The following MYADML2 variants were observed in gnomAD, a reference collection of about 807,000 sequenced individuals.
MYADML2 encodes myeloid associated differentiation marker like 2.
Under a neutral mutation model 16.0 loss-of-function variants are expected in MYADML2, and 17 were observed. The observed-to-expected ratio is 1.06, with a 90% CI of 0.73 to 1.60. The LOEUF (loss-of-function observed/expected upper bound fraction) is 1.60, where lower values mean the gene tolerates loss of function less well. MYADML2 is among the 40% of genes most tolerant of loss of function. MYADML2 has a pLI of 0.00. For synonymous variants in MYADML2, 210 were observed against 208.1 expected (o/e 1.01, Z -0.08); for missense variants, 422 against 437.7 (o/e 0.96, Z 0.32).
In MYADML2 at chr17:81,940,513, G is replaced by T; in HGVS notation, c.*305C>A. The T allele has an allele frequency of 2.8e-6, 1 of 351,722 alleles. No individual in the cohort carries two copies. Among genetic ancestry groups the T allele is most frequent in the East Asian group, 4.5e-5 (1 of 22,364 alleles). The allele number at this position is 351,722 out of a possible 1,614,324, so 21.8% of individuals were successfully genotyped here. ...CAGCTGCTTTAAAGTTTTCCCTTAT[G>T]ATGTTCCAGTGACCAGCACTGAGCC... On this transcript the variant is annotated 3_prime_UTR_variant, in exon 3 of 3. Transcript: ENST00000409745.
At chr17:81,941,894 G>A in intron 2 of MYADML2, 51 bp from the exon 3 acceptor site, 1 of 707,710 alleles carries the variant, frequency 1.4e-6, no homozygotes, top group Non-Finnish European at 2.3e-6. Flanking sequence ...CCTCTCTGCT[G>A]TCTATGTGAG....
At chr17:81,943,776 G>C (rs549589142) in intron 1 of MYADML2, among the ~76,000 whole-genome samples, 77 of 152,190 alleles carry the variant, frequency 5.1e-4, no homozygotes, top group African/African-American at 1.9e-3. Context: ...ACATCTTCTG[G>C]TATATCCTTG....
At chr17:81,941,893 T>C in intron 2 of MYADML2, 50 bp from the exon 3 acceptor site, 1 of 722,896 alleles carries the variant, frequency 1.4e-6, no homozygotes, top group South Asian at 2.1e-5. Context: ...GCCTCTCTGC[T>C]GTCTATGTGA....
rs1325510654 is a variant in MYADML2 at position 81,940,174 on chromosome 17, C to G, written c.*644G>C. ...TGTGGCTACCAGCCCAGAGGCTTCCCGGACGTGGGTGGGAGAGGCTGGTCC... is the reference window on the plus strand; with the variant it reads ...TGTGGCTACCAGCCCAGAGGCTTCCGGGACGTGGGTGGGAGAGGCTGGTCC... On this transcript the variant is annotated 3_prime_UTR_variant, in exon 3 of 3. Transcript: ENST00000409745. 6.6e-6 allele frequency: 1 copy of G among 152,334 alleles called. No individual in the cohort carries two copies. Among genetic ancestry groups the G allele is most frequent in the South Asian group, 2.1e-4 (1 of 4,834 alleles). 9.4% of individuals were successfully genotyped at this position (152,334 alleles called of 1,614,324 possible).
intron 1 of MYADML2, among the ~76,000 whole-genome samples, chr17:81,943,196 A>AG (rs2041318935): frequency 2.0e-5 from 3 of 151,102 alleles, no homozygotes; most frequent in Non-Finnish European, 4.4e-5. Flanking sequence ...CAACCTCCCG[A>AG]GTACCTGGGA....
chr17:81,942,050 C>A lies in MYADML2; in HGVS notation c.-102-207G>T, dbSNP rs1195579071. ...GGACCATTAACCCATTGGCTGCTGG[C>A]ACCACCCCCACCTCCGCCTCCCGCG... On this transcript the variant is annotated intron_variant, in intron 2 of 2. Coordinates refer to ENST00000409745, the MANE Select transcript of MYADML2 (RefSeq NM_001145113.3). This position sits in a 1 kb window ranked among gnomAD's most constrained non-coding sequence, Gnocchi z 4.4. 9.8e-6 allele frequency: 3 copies of A among 306,474 alleles called. No individual in the cohort carries two copies. The East Asian group carries it at 1.6e-4, about 16-fold the overall frequency. 19.0% of individuals were successfully genotyped at this position (306,474 alleles called of 1,614,324 possible). A position where few individuals can be genotyped will look rare whatever the true frequency, so the allele number is the denominator to read the frequency against.
intron 1 of MYADML2, among the ~76,000 whole-genome samples, chr17:81,945,086 T>C (rs1055854023): frequency 6.5e-4 from 99 of 151,972 alleles, no homozygotes; most frequent in Non-Finnish European, 1.8e-4. Flanking sequence ...GCCAACATAG[T>C]GAGACCCCAT....
chr17:81,941,353 G>C lies in MYADML2; in HGVS notation c.389C>G (p.Ala130Gly), dbSNP rs769729656. ...GAGGAGCCCGGCGAAGACACTGGCT[G>C]CCAGGCGGAAGTCCCTGGCAGCACA... ...AGCAARDFRL[A>G]ASVFAGLLFL... The change falls in exon 3 of 3, where the codon GCA becomes GGA. Residue 130 changes from alanine to glycine, a missense_variant. Transcript: ENST00000409745. 3.2e-5 allele frequency: 50 copies of C among 1,548,730 alleles called. No individual in the cohort carries two copies. In the African/African-American group the frequency reaches 5.1e-4, roughly 16 times the overall value.
At position 81,941,574 on chromosome 17, in the gene MYADML2, G is replaced by A. The variant is rs556122438; in HGVS notation, c.168C>T (p.Ala56=). ...FAGVQGTFCM[A]AWGFCFAVSA... ...AGACGGCGAAGCAGAAGCCCCAGGC[G>A]GCCATGCAGAAGGTGCCCTGGACGC... The change falls in exon 3 of 3, where the codon GCC becomes GCT. Residue 56 remains alanine, a synonymous_variant. Transcript: ENST00000409745. 1.2e-4 allele frequency: 179 copies of A among 1,548,452 alleles called. No individual in the cohort carries two copies. In the East Asian group the frequency reaches 3.7e-3, roughly 32 times the overall value.
At chr17:81,944,390 CA>C (rs778709387) in intron 1 of MYADML2, among the ~76,000 whole-genome samples, 100 of 71,990 alleles carry the variant, frequency 1.4e-3, no homozygotes, top group Admixed American at 1.5e-3. Flanking sequence ...CGAGACTCCT[CA>C]AAAAAAAAAA....
chr17:81,944,826 A>G lies in MYADML2; in HGVS notation c.-181+2233T>C, dbSNP rs139426602. 2.7e-4 allele frequency among the ~76,000 whole-genome samples: 41 copies of G among 152,332 alleles called. No individual in the cohort carries two copies. The East Asian group carries it at 7.5e-3, about 28-fold the overall frequency. Reference sequence around the variant, plus strand: ...GTCATGCCTACGTAATGAAGTCTCCATAAAACCCAAAAGGACAGGGTTGGG... The same window carrying G: ...GTCATGCCTACGTAATGAAGTCTCCGTAAAACCCAAAAGGACAGGGTTGGG... On this transcript the variant is annotated intron_variant, in intron 1 of 2. Transcript: ENST00000409745.
Position 81,942,541 on chromosome 17 carries a change from C to T in MYADML2, c.-180-168G>A, listed in dbSNP as rs1047015116. On this transcript the variant is annotated intron_variant, in intron 1 of 2. Coordinates refer to ENST00000409745, the MANE Select transcript of MYADML2 (RefSeq NM_001145113.3). This position sits in a 1 kb window ranked among gnomAD's most constrained non-coding sequence, Gnocchi z 4.4. ...ATTCTGGGGCTTTTCACTTGTCCTT[C>T]ACATTAAACACCTAGAAAAACACTC... The T allele has an allele frequency of 6.6e-6, 1 of 152,260 alleles. No individual in the cohort carries two copies. The highest frequency in any genetic ancestry group is 2.1e-4 in the South Asian group (1 of 4,836). 9.4% of individuals were successfully genotyped at this position (152,260 alleles called of 1,614,324 possible).
chr17:81,945,283 T>C (rs1036775631), intron 1 of MYADML2, among the ~76,000 whole-genome samples: 4 of 151,460 alleles, frequency 2.6e-5, no homozygotes, highest in Non-Finnish European at 5.9e-5. Flanking sequence ...CTCACACCTG[T>C]AATCCCAGCA....
intron 1 of MYADML2, among the ~76,000 whole-genome samples, chr17:81,944,388 C>CT (rs72532155): frequency 0.024 from 657 of 27,778 alleles, 6 homozygotes; most frequent in African/African-American, 0.088. Context: ...AGCGAGACTC[C>CT]TCAAAAAAAA....
At chr17:81,941,907 G>T in intron 2 of MYADML2, 64 bp from the exon 3 acceptor site, 2 of 649,992 alleles carry the variant, frequency 3.1e-6, no homozygotes, top group Admixed American at 3.1e-5. Context: ...TATGTGAGGC[G>T]GCTCCCCCCA....
At chr17:81,945,414 C>T (rs1203744144) in intron 1 of MYADML2, among the ~76,000 whole-genome samples, 1 of 151,950 alleles carries the variant, frequency 6.6e-6, no homozygotes, top group Admixed American at 6.6e-5. Context: ...TGATGGGCGC[C>T]TGTAGTCCCA....
intron 1 of MYADML2, among the ~76,000 whole-genome samples, chr17:81,944,573 A>C (rs2041329701): frequency 6.6e-6 from 1 of 152,086 alleles, no homozygotes; most frequent in Non-Finnish European, 1.5e-5. Flanking sequence ...CCTAACCCAT[A>C]GGATCATCTG....
rs957746780 is a variant in MYADML2 at position 81,947,145 on chromosome 17, G to A, written c.-267C>T. 1 of 152,184 alleles carries A rather than the reference G, an allele frequency of 6.6e-6. No homozygotes were observed. Among genetic ancestry groups the A allele is most frequent in the African/African-American group, 2.4e-5 (1 of 41,434 alleles). The allele number at this position is 152,184 out of a possible 1,614,324, so 9.4% of individuals were successfully genotyped here. Reference sequence around the variant, plus strand: ...CATGCCATTTTGTATCAGGGACTCTGGCCTTGTGGATTCTGGTGTTTTGGA... The same window carrying A: ...CATGCCATTTTGTATCAGGGACTCTAGCCTTGTGGATTCTGGTGTTTTGGA... On this transcript the variant is annotated 5_prime_UTR_variant, in exon 1 of 3. Transcript: ENST00000409745.
At chr17:81,946,304 G>A (rs943136092) in intron 1 of MYADML2, among the ~76,000 whole-genome samples, 5 of 151,798 alleles carry the variant, frequency 3.3e-5, no homozygotes, top group Non-Finnish European at 4.4e-5. Context: ...GCAGTCAGCC[G>A]AGATCGTGCC....
Sources: gnomAD v4.1 joint callset for allele counts (sites outside exome capture counted in the v4.1 genomes callset) on GRCh38, gnomAD v4.1.1 for gene constraint, Gnocchi (gnomAD v3.1) non-coding constraint, MANE v1.5 for transcripts, NCBI Gene and HGNC (gene_info 2026-07-23, HGNC 2026-07-21) for gene names.